Variants in DMD observed in about 807,000 individuals in gnomAD.
The protein encoded by DMD is dystrophin.
DMD carries 63 observed loss-of-function variants against 330.1 expected under a neutral mutation model. The ratio of observed to expected loss-of-function variants is 0.19; its 90% confidence interval spans 0.16 to 0.24. The LOEUF is 0.24. Among genes scored for constraint, DMD ranks in the 10% least tolerant of loss-of-function variants. The pLI is 1.00. For synonymous variants in DMD, 1,223 were observed against 959.8 expected (o/e 1.27, Z -5.07); for missense variants, 3,344 against 2,684.1 (o/e 1.25, Z -5.43).
chrX:32,062,376 G>A (rs899010948), intron 44 of DMD, among the ~76,000 whole-genome samples: 2 of 110,796 alleles, frequency 1.8e-5, no homozygotes, highest in African/African-American at 3.3e-5. Context: ...GAATAATTAC[G>A]TGACAAGAGC....
At chrX:32,248,538 C>A (rs1306836977) in intron 43 of DMD, among the ~76,000 whole-genome samples, 1 of 109,464 alleles carries the variant, frequency 9.1e-6, no homozygotes, top group Non-Finnish European at 1.9e-5. Context: ...GACAAGCAAG[C>A]ACTCAGAAAC....
intron 7 of DMD, among the ~76,000 whole-genome samples, chrX:32,804,097 C>G (rs1281443041): frequency 9.0e-6 from 1 of 110,629 alleles, no homozygotes; most frequent in Non-Finnish European, 1.9e-5. Flanking sequence ...GTCTAATACC[C>G]AGTGGTGCCT....
rs768354667 is a variant in DMD, at chrX:33,330,904, A to G, written c.7+8355T>C. On this transcript the variant is annotated intron_variant, in intron 1 of 17. Coordinates refer to the DMD transcript ENST00000288447. ...CACACTAGGAACTCCGGAAACCTCT[A>G]GCTCAGTCCTAAGTCAGCTTTACTG... Among the ~76,000 whole-genome samples, 3 of 111,861 alleles carry G rather than the reference A, an allele frequency of 2.7e-5. No homozygotes were observed. In the East Asian group the frequency reaches 8.4e-4, roughly 31 times the overall value.
At chrX:31,664,669 T>G (rs758360154) in intron 53 of DMD, among the ~76,000 whole-genome samples, 34 of 105,756 alleles carry the variant, frequency 3.2e-4, no homozygotes, top group Non-Finnish European at 3.9e-4. Context: ...CATAAGTTTT[T>G]TTTTTTTTTT....
At chrX:32,489,352 G>T (rs1011114487) in intron 20 of DMD, among the ~76,000 whole-genome samples, 8 of 110,117 alleles carry the variant, frequency 7.3e-5, no homozygotes, top group Admixed American at 6.8e-4. Context: ...GTGGCGGGGT[G>T]GGGGGCTAAT....
chrX:31,866,218 A>G (rs1190192030), intron 48 of DMD, among the ~76,000 whole-genome samples: 1 of 111,034 alleles, frequency 9.0e-6, no homozygotes, highest in Non-Finnish European at 1.9e-5. Flanking sequence ...CTCTTTGTCC[A>G]TCCATGACAG....
Position 31,418,161 on chromosome X carries a change from T to C in DMD, c.9084+26320A>G, listed in dbSNP as rs147024281. On this transcript the variant is annotated intron_variant, in intron 60 of 78. Transcript: ENST00000357033. ...GGCTTATAGACAACCAAAGTTTTTT[T>C]CTCACAATTCTGAAGGCTAGGAAGT... Among the ~76,000 whole-genome samples the C allele has an allele frequency of 4.8e-3, 539 of 111,765 alleles. 4 individuals carry two copies. Among genetic ancestry groups the C allele is most frequent in the African/African-American group, 0.017 (512 of 30,783 alleles).
At chrX:32,177,337 G>A (rs2096909900) in intron 44 of DMD, among the ~76,000 whole-genome samples, 1 of 111,607 alleles carries the variant, frequency 9.0e-6, no homozygotes, top group Non-Finnish European at 1.9e-5. Flanking sequence ...CTCCCAACAG[G>A]ACCCGAAGGA....
rs751979662 is a variant in DMD, at chrX:32,478,650, G to A, written c.2803+6269C>T. 8.1e-5 allele frequency among the ~76,000 whole-genome samples: 9 copies of A among 111,696 alleles called. No homozygotes were observed. In the East Asian group the frequency reaches 2.2e-3, roughly 28 times the overall value. ...CTTAGTTTGAAATACAAGGATCTTT[G>A]TGATTGGGAATTCAATCAACATTTT... is the stretch of plus-strand genomic sequence containing the variant. On this transcript the variant is annotated intron_variant, in intron 21 of 78. Coordinates refer to ENST00000357033, the MANE Select transcript of DMD (RefSeq NM_004006.3).
chrX:31,202,550 T>A (rs1569458790), intron 67 of DMD, among the ~76,000 whole-genome samples: 1 of 112,178 alleles, frequency 8.9e-6, no homozygotes, highest in Admixed American at 9.5e-5. Flanking sequence ...AACTATTAAA[T>A]AAATACTCAA....
At chrX:32,595,639 A>T in intron 13 of DMD, 118 bp downstream of exon 13, 1 of 696,595 alleles carries the variant, frequency 1.4e-6, no homozygotes, top group Non-Finnish European at 2.2e-6. Flanking sequence ...TGTATATTGT[A>T]CACATATTGT....
chrX:32,066,441 T>C (rs2096260678), intron 44 of DMD, among the ~76,000 whole-genome samples: 1 of 111,460 alleles, frequency 9.0e-6, no homozygotes, highest in Non-Finnish European at 1.9e-5. Flanking sequence ...CTTGCATAGA[T>C]AGCCCTTACT....
intron 8 of DMD, 105 bp downstream of exon 8, chrX:32,699,007 C>T (rs2063874559): frequency 4.3e-6 from 3 of 690,120 alleles, no homozygotes; most frequent in Admixed American, 2.5e-5. Flanking sequence ...TGTATATATA[C>T]ACGTGTATAT....
chrX:32,178,942 C>T (rs1275835588), intron 44 of DMD, among the ~76,000 whole-genome samples: 1 of 29,484 alleles, frequency 3.4e-5, no homozygotes, highest in African/African-American at 1.7e-4. Context: ...ACCCCAGATT[C>T]TCTCTCTCTC....
At chrX:32,429,791 T>A (rs1221450414) in intron 29 of DMD, among the ~76,000 whole-genome samples, 1 of 110,252 alleles carries the variant, frequency 9.1e-6, no homozygotes, top group Admixed American at 9.8e-5. Context: ...GTAACTCCCC[T>A]CCATATTGTT....
At position 33,155,947 on chromosome X, in the gene DMD, A is replaced by G. The variant is rs182012303; in HGVS notation, c.31+55335T>C. 2.7e-5 allele frequency among the ~76,000 whole-genome samples: 3 copies of G among 111,886 alleles called. No individual in the cohort carries two copies. The Admixed American group carries it at 2.9e-4, about 11-fold the overall frequency. ...ATTTCTAAAAAATAAATAAATGAAT[A>G]AGAAAGAAATGCAGCCACTTGGAAC... On this transcript the variant is annotated intron_variant, in intron 1 of 78. Coordinates refer to ENST00000357033, the MANE Select transcript of DMD (RefSeq NM_004006.3).
At chrX:31,385,138 C>G (rs1021006769) in intron 60 of DMD, among the ~76,000 whole-genome samples, 4 of 112,077 alleles carry the variant, frequency 3.6e-5, no homozygotes, top group African/African-American at 1.3e-4. Context: ...ACAAATCTAC[C>G]TCAGGAGAGT....
rs767301895 is a variant in DMD at position 32,884,862 on chromosome X, C to A, written c.94-35042G>T. 2.7e-5 allele frequency among the ~76,000 whole-genome samples: 3 copies of A among 112,105 alleles called. No homozygotes were observed. The Admixed American group carries it at 2.8e-4, about 11-fold the overall frequency. On this transcript the variant is annotated intron_variant, in intron 2 of 78. Coordinates refer to ENST00000357033, the MANE Select transcript of DMD (RefSeq NM_004006.3). ...TATCACTGTCGCCTTTACATCTTCT[C>A]AGGATGTTAACTTTATCTCCAGCTT...
intron 44 of DMD, among the ~76,000 whole-genome samples, chrX:32,111,924 G>T: frequency 8.9e-6 from 1 of 111,931 alleles, no homozygotes; most frequent in African/African-American, 3.2e-5. Flanking sequence ...AGAGGATATT[G>T]TTTTATTATC....
Sources: allele counts gnomAD v4.1 joint callset (sites outside exome capture counted in the v4.1 genomes callset), GRCh38; gene constraint gnomAD v4.1.1; transcripts MANE v1.5; gene names NCBI Gene and HGNC (gene_info 2026-07-23, HGNC 2026-07-21).